Variants in ZNG1F observed in about 807,000 individuals in gnomAD.
ZNG1F encodes zinc-regulated GTPase metalloprotein activator 1F.
chr9:41,182,196 T>A, the ZNG1F span, among the ~76,000 whole-genome samples: 3 of 78,544 alleles, frequency 3.8e-5, no homozygotes, highest in South Asian at 1.5e-3. Flanking sequence ...AATACTCTGA[T>A]CATTCATTCA....
At chr9:41,175,142 C>G in the ZNG1F span, among the ~76,000 whole-genome samples, 1 of 148,408 alleles carries the variant, frequency 6.7e-6, no homozygotes, top group Non-Finnish European at 1.5e-5. Context: ...CAAACTCATT[C>G]CAAAGTCTAA....
chr9:41,150,264 C>T, the ZNG1F span, among the ~76,000 whole-genome samples: 11 of 149,688 alleles, frequency 7.3e-5, no homozygotes, highest in South Asian at 2.1e-4. Flanking sequence ...GCTTTTCTGA[C>T]GGGCTTAAAA....
the ZNG1F span, among the ~76,000 whole-genome samples, chr9:41,159,385 A>T: frequency 7.1e-6 from 1 of 140,838 alleles, no homozygotes; most frequent in Non-Finnish European, 1.6e-5. Flanking sequence ...AAAAACGTTT[A>T]CAAAACTAAT....
chr9:41,193,568 C>G, the ZNG1F span, among the ~76,000 whole-genome samples: 1 of 148,158 alleles, frequency 6.7e-6, no homozygotes, highest in Non-Finnish European at 1.5e-5. Flanking sequence ...CTATCCCTTA[C>G]AGAAAAGTAA....
chr9:41,134,108 C>T, the ZNG1F span: 2 of 227,152 alleles, frequency 8.8e-6, no homozygotes, highest in Non-Finnish European at 1.7e-5. Flanking sequence ...GGTACTTTTG[C>T]CTGAGTCACC....
the ZNG1F span, among the ~76,000 whole-genome samples, chr9:41,151,153 TA>T: frequency 1.5e-5 from 2 of 133,174 alleles, no homozygotes; most frequent in African/African-American, 5.7e-5. Context: ...GAGAAGTGCT[TA>T]AAGGAGCTGA....
the ZNG1F span, among the ~76,000 whole-genome samples, chr9:41,166,450 A>ATG: frequency 6.4e-5 from 1 of 15,700 alleles, no homozygotes; most frequent in Non-Finnish European, 2.3e-4. Flanking sequence ...TTATACATAT[A>ATG]TATATATATA....
At chr9:41,158,657 C>A in the ZNG1F span, 2 of 59,096 alleles carry the variant, frequency 3.4e-5, no homozygotes, top group African/African-American at 5.8e-5. Context: ...ATAAAATATC[C>A]AAGTCTCTCA....
At chr9:41,193,822 C>T in the ZNG1F span, among the ~76,000 whole-genome samples, 4 of 151,056 alleles carry the variant, frequency 2.6e-5, no homozygotes, top group Non-Finnish European at 1.5e-5. Context: ...ATTGCTTGAA[C>T]CCGAAAGGTG....
At chr9:41,181,132 C>G in the ZNG1F span, among the ~76,000 whole-genome samples, 5 of 113,702 alleles carry the variant, frequency 4.4e-5, no homozygotes, top group African/African-American at 1.0e-4. Flanking sequence ...GAAACATTAA[C>G]ATTTTTTATA....
chr9:41,141,021 C>T, the ZNG1F span, among the ~76,000 whole-genome samples: 42 of 151,710 alleles, frequency 2.8e-4, no homozygotes, highest in African/African-American at 9.7e-4. Context: ...AGCCACCACA[C>T]CCAGCCTAAA....
chr9:41,132,271 G>A, the ZNG1F span: 1 of 1,604,382 alleles, frequency 6.2e-7, no homozygotes, highest in Non-Finnish European at 8.5e-7. Context: ...CATCCTTCCA[G>A]CTCACTGGAG....
At chr9:41,155,096 A>T in the ZNG1F span, among the ~76,000 whole-genome samples, 1 of 150,920 alleles carries the variant, frequency 6.6e-6, no homozygotes, top group African/African-American at 2.4e-5. Context: ...AATTTTCGCA[A>T]CCTACTCATC....
chr9:41,178,949 C>T, the ZNG1F span, among the ~76,000 whole-genome samples: 6 of 127,112 alleles, frequency 4.7e-5, 1 homozygote, highest in East Asian at 6.9e-4. Context: ...GAAGTCAATG[C>T]CTGGCTTCAA....
the ZNG1F span, chr9:41,157,161 C>G: frequency 1.4e-5 from 2 of 144,604 alleles, no homozygotes; most frequent in African/African-American, 2.6e-5. Context: ...AACATAAGCC[C>G]AGAAAATCAC....
the ZNG1F span, among the ~76,000 whole-genome samples, chr9:41,187,221 G>A: frequency 7.3e-4 from 101 of 139,290 alleles, 2 homozygotes; most frequent in African/African-American, 2.7e-3. Context: ...AAGTGAACAA[G>A]ATAGTCTCTG....
At chr9:41,139,788 T>TA in the ZNG1F span, among the ~76,000 whole-genome samples, 4 of 151,366 alleles carry the variant, frequency 2.6e-5, no homozygotes, top group African/African-American at 7.3e-5. Context: ...TATGTATCCT[T>TA]AAAAAAAATC....
chr9:41,174,365 A>C, the ZNG1F span: 1 of 1,606,136 alleles, frequency 6.2e-7, no homozygotes, highest in Non-Finnish European at 8.5e-7. Context: ...GAAAATATAT[A>C]ATATTCATCA....
At chr9:41,154,796 G>C in the ZNG1F span, among the ~76,000 whole-genome samples, 8 of 150,238 alleles carry the variant, frequency 5.3e-5, no homozygotes, top group African/African-American at 1.5e-4. Flanking sequence ...AAACCGGCTA[G>C]CCATATGTCG....
Sources: gnomAD v4.1 joint callset for allele counts (sites outside exome capture counted in the v4.1 genomes callset) on GRCh38, gnomAD v4.1.1 for gene constraint, MANE v1.5 for transcripts, NCBI Gene and HGNC (gene_info 2026-07-23, HGNC 2026-07-21) for gene names.